Variants in GTF2B observed in about 807,000 individuals in gnomAD.
GTF2B encodes the protein transcription initiation factor IIB.
Under a neutral mutation model 34.6 loss-of-function variants are expected in GTF2B, and 20 were observed. The ratio of observed to expected loss-of-function variants is 0.58; its 90% CI spans 0.41 to 0.84. The LOEUF is 0.84. GTF2B is among the 40% of genes least tolerant of loss of function. The pLI is 0.00. For synonymous variants in GTF2B, 142 were observed against 132.4 expected (o/e 1.07, Z -0.50); for missense variants, 237 against 393.3 (o/e 0.60, Z 3.36).
chr1:88,891,203 C>T (rs1397145622), intron 1 of GTF2B, among the ~76,000 whole-genome samples: 4 of 149,012 alleles, frequency 2.7e-5, no homozygotes, highest in Admixed American at 6.8e-5. Flanking sequence ...GGAAAAGATA[C>T]GAGGGCAAGG....
At chr1:88,858,703 T>C (rs1483994490) in intron 5 of GTF2B, 1 of 152,196 alleles carries the variant, frequency 6.6e-6, no homozygotes, top group Non-Finnish European at 1.5e-5. Flanking sequence ...GGGTTAAGTA[T>C]AGTCTTCAGC....
chr1:88,854,620 A>G (rs1409644248), intron 6 of GTF2B, among the ~76,000 whole-genome samples: 2 of 152,136 alleles, frequency 1.3e-5, no homozygotes, highest in African/African-American at 2.4e-5. Flanking sequence ...CTCCTGCCTC[A>G]GCCTCCTGAG....
At chr1:88,887,463 G>A (rs1329450807) in intron 1 of GTF2B, 96 bp from the exon 2 acceptor site, 13 of 765,422 alleles carry the variant, frequency 1.7e-5, no homozygotes, top group Non-Finnish European at 2.3e-5. Flanking sequence ...GATTGTGAAC[G>A]TTTTTTCATA....
intron 2 of GTF2B, among the ~76,000 whole-genome samples, chr1:88,875,699 C>T (rs1384431508): frequency 3.3e-5 from 5 of 152,272 alleles, no homozygotes; most frequent in South Asian, 4.1e-4. Context: ...TCACCATACT[C>T]GGAAGATCTG....
At chr1:88,889,216 T>A (rs1570740471) in intron 1 of GTF2B, among the ~76,000 whole-genome samples, 1 of 152,222 alleles carries the variant, frequency 6.6e-6, no homozygotes, top group African/African-American at 2.4e-5. Context: ...AGACTACTTT[T>A]CATGGTTTTA....
chr1:88,885,323 C>T (rs549022557), intron 2 of GTF2B, among the ~76,000 whole-genome samples: 4 of 151,996 alleles, frequency 2.6e-5, no homozygotes, highest in Non-Finnish European at 4.4e-5. Context: ...CCCTGTAATC[C>T]CAGCTATTCG....
chr1:88,856,304 G>GAAAAAAAAAAAAAAAT (rs1673314176), intron 6 of GTF2B, among the ~76,000 whole-genome samples: 1 of 86,522 alleles, frequency 1.2e-5, no homozygotes, highest in Non-Finnish European at 2.6e-5. Flanking sequence ...AAAAAAAAAA[G>GAAAAAAAAAAAAAAAT]GAAAAGAAAT....
intron 2 of GTF2B, among the ~76,000 whole-genome samples, chr1:88,876,295 ATCAC>A (rs1673814983): frequency 6.6e-6 from 1 of 152,186 alleles, no homozygotes; most frequent in African/African-American, 2.4e-5. Context: ...ACCCACAGCA[ATCAC>A]TCAAAGATAT....
intron 1 of GTF2B, among the ~76,000 whole-genome samples, chr1:88,889,317 C>T (rs147204954): frequency 6.6e-6 from 1 of 152,266 alleles, no homozygotes; most frequent in African/African-American, 2.4e-5. Context: ...AAATTACCCA[C>T]AATACAGAAG....
In GTF2B at chr1:88,866,467, G is replaced by T. The variant is rs554266547; in HGVS notation, c.125-2353C>A. Among the ~76,000 whole-genome samples, 3 of 152,178 alleles carry T rather than the reference G, an allele frequency of 2.0e-5. No homozygotes were observed. In the East Asian group the frequency reaches 5.8e-4, roughly 29 times the overall value. Reference sequence around the variant, plus strand: ...TCTGTTGCCCAGGTTTGAGTACAGTGGTGCAATTTTGGCTCACTGCAGCTT... The same window carrying T: ...TCTGTTGCCCAGGTTTGAGTACAGTTGTGCAATTTTGGCTCACTGCAGCTT... On this transcript the variant is annotated intron_variant, in intron 2 of 6. Coordinates refer to ENST00000370500, the MANE Select transcript of GTF2B (RefSeq NM_001514.6).
rs12079413 is a variant in GTF2B at position 88,869,959 on chromosome 1, G to A, written c.125-5845C>T. On this transcript the variant is annotated intron_variant, in intron 2 of 6. Coordinates refer to ENST00000370500, the MANE Select transcript of GTF2B (RefSeq NM_001514.6). ...TTTTTTTTTCTTGAGATGGAGTTTC[G>A]CCCTGTCACCCAGGCTGGAGTGCAG... Among the ~76,000 whole-genome samples the A allele has an allele frequency of 8.6e-3, 1,266 of 148,050 alleles. 14 individuals carry two copies. Among genetic ancestry groups the A allele is most frequent in the African/African-American group, 0.03 (1,193 of 39,974 alleles).
chr1:88,888,840 A>C (rs1320637385), intron 1 of GTF2B, among the ~76,000 whole-genome samples: 4 of 152,324 alleles, frequency 2.6e-5, no homozygotes, highest in Non-Finnish European at 4.4e-5. Context: ...AAGCAGGCCA[A>C]ATGAATTGAT....
At chr1:88,870,955 G>A (rs529485687) in intron 2 of GTF2B, among the ~76,000 whole-genome samples, 21 of 142,202 alleles carry the variant, frequency 1.5e-4, no homozygotes, top group South Asian at 4.5e-4. Context: ...AGGCTGGAGC[G>A]CAATGGTGCA....
intron 6 of GTF2B, among the ~76,000 whole-genome samples, chr1:88,855,363 T>TTTG (rs1553161977): frequency 6.7e-6 from 1 of 149,944 alleles, no homozygotes; most frequent in African/African-American, 2.5e-5. Context: ...GTTTTTGTTT[T>TTTG]TTTTTTTTTT....
At chr1:88,856,275 A>AAAC (rs1673304619) in intron 6 of GTF2B, among the ~76,000 whole-genome samples, 2 of 127,198 alleles carry the variant, frequency 1.6e-5, no homozygotes, top group African/African-American at 6.5e-5. Flanking sequence ...TCAAAAACAA[A>AAAC]AAAAAAAAAA....
intron 1 of GTF2B, among the ~76,000 whole-genome samples, chr1:88,890,947 C>T (rs1674184336): frequency 6.6e-6 from 1 of 151,982 alleles, no homozygotes; most frequent in East Asian, 1.9e-4. Context: ...CTTCCACTTC[C>T]GAGGCCCGCT....
intron 2 of GTF2B, among the ~76,000 whole-genome samples, chr1:88,868,913 C>CT (rs997655395): frequency 7.2e-5 from 11 of 151,982 alleles, no homozygotes; most frequent in Middle Eastern, 6.8e-3. Context: ...TTTTTTTGTA[C>CT]TTTTTTTAGT....
chr1:88,891,334 T>C (rs998647369), intron 1 of GTF2B, 149 bp downstream of exon 1: 1 of 602,622 alleles, frequency 1.7e-6, no homozygotes, highest in African/African-American at 1.9e-5. Flanking sequence ...CGTCTGGAAG[T>C]GCCTTTGTCC....
chr1:88,867,830 T>C (rs1347904721), intron 2 of GTF2B, among the ~76,000 whole-genome samples: 1 of 152,182 alleles, frequency 6.6e-6, no homozygotes, highest in Non-Finnish European at 1.5e-5. Context: ...TAAGGTAGTA[T>C]AGTATAAATA....
Sources: allele counts gnomAD v4.1 joint callset (sites outside exome capture counted in the v4.1 genomes callset), GRCh38; gene constraint gnomAD v4.1.1; transcripts MANE v1.5; gene names NCBI Gene and HGNC (gene_info 2026-07-23, HGNC 2026-07-21).